Variants in USP15 observed in about 807,000 individuals in gnomAD.
USP15 encodes the protein ubiquitin specific peptidase 15, also known as ubiquitin carboxyl-terminal hydrolase 15.
In USP15, 18 loss-of-function variants were observed where a neutral mutation model predicts 127.1. The ratio of observed to expected loss-of-function variants is 0.14; its 90% CI spans 0.10 to 0.21. The LOEUF (loss-of-function observed/expected upper bound fraction) is 0.21, where lower values mean the gene tolerates loss of function less well. USP15 is among the 10% of genes least tolerant of loss of function. USP15 has a pLI of 1.00. For missense variants in USP15, 805 were observed against 1,159.9 expected (o/e 0.69, Z 4.44); for synonymous variants, 364 against 393.7 (o/e 0.92, Z 0.89).
intron 1 of USP15, among the ~76,000 whole-genome samples, chr12:62,274,604 C>G (rs1363981713): frequency 6.6e-6 from 1 of 151,990 alleles, no homozygotes; most frequent in East Asian, 1.9e-4. Context: ...ATGATCACAA[C>G]ACTGCATTCC....
chr12:62,336,891 G>A (rs1178209838), intron 6 of USP15, among the ~76,000 whole-genome samples: 1 of 152,162 alleles, frequency 6.6e-6, no homozygotes, highest in Admixed American at 6.5e-5. Flanking sequence ...TTGACTAGTG[G>A]TGGTTTAAGT....
At chr12:62,286,396 A>C (rs575008390) in intron 1 of USP15, among the ~76,000 whole-genome samples, 1 of 152,334 alleles carries the variant, frequency 6.6e-6, no homozygotes, top group East Asian at 1.9e-4. Context: ...GATTGCAGAG[A>C]AAAGGGAATG....
chr12:62,294,585 T>C, intron 2 of USP15: 1 of 210,796 alleles, frequency 4.7e-6, no homozygotes, highest in African/African-American at 2.3e-5. Flanking sequence ...GATTTCATTA[T>C]TAAGTAATCA....
At chr12:62,334,693 T>C (rs1251951181) in intron 6 of USP15, among the ~76,000 whole-genome samples, 2 of 152,230 alleles carry the variant, frequency 1.3e-5, no homozygotes, top group Non-Finnish European at 2.9e-5. Context: ...TTTTATGATG[T>C]TAGGTTGTAT....
intron 8 of USP15, among the ~76,000 whole-genome samples, chr12:62,355,977 C>T (rs2066116042): frequency 6.6e-6 from 1 of 151,316 alleles, no homozygotes; most frequent in Admixed American, 6.6e-5. Flanking sequence ...CCCCTGCCCC[C>T]ACCCCCTTTT....
intron 1 of USP15, among the ~76,000 whole-genome samples, chr12:62,272,603 A>G (rs1266155953): frequency 1.3e-5 from 2 of 151,962 alleles, no homozygotes; most frequent in African/African-American, 4.8e-5. Context: ...ATTTGCATCT[A>G]GTGTAAAAGC....
intron 3 of USP15, chr12:62,304,618 A>G: frequency 2.4e-6 from 1 of 417,708 alleles, no homozygotes; most frequent in Non-Finnish European, 4.8e-6. Context: ...TAATGCAGAA[A>G]CCAAGTTAAA....
chr12:62,334,106 T>G (rs1314538933), intron 6 of USP15: 1 of 152,174 alleles, frequency 6.6e-6, no homozygotes, highest in East Asian at 1.9e-4. Flanking sequence ...AATGGTAGAA[T>G]GTTAATTTTT....
At position 62,415,157 on chromosome 12, in the gene USP15, C is replaced by T. The variant is rs1012587208; in HGVS notation, c.*10782C>T. On this transcript the variant is annotated 3_prime_UTR_variant, in exon 22 of 22. Transcript: ENST00000280377. ...TCCAAAGGGTTGAGAACCAGGAAAA[C>T]CAATGATAAAAGTTCCAGTCCACAA... The T allele has an allele frequency of 3.9e-5, 6 of 152,110 alleles. No individual in the cohort carries two copies. The highest frequency in any genetic ancestry group is 1.4e-4 in the African/African-American group (6 of 41,412). 9.4% of individuals were successfully genotyped at this position (152,110 alleles called of 1,614,324 possible). A position where few individuals can be genotyped will look rare whatever the true frequency, so the allele number is the denominator to read the frequency against.
intron 8 of USP15, among the ~76,000 whole-genome samples, chr12:62,369,746 T>A (rs1565892774): frequency 1.3e-5 from 2 of 152,214 alleles, no homozygotes; most frequent in African/African-American, 4.8e-5. Flanking sequence ...AGACTTCTAA[T>A]AAGTATTTTT....
At chr12:62,287,968 A>G (rs2063832015) in intron 1 of USP15, among the ~76,000 whole-genome samples, 1 of 152,186 alleles carries the variant, frequency 6.6e-6, no homozygotes, top group Admixed American at 6.5e-5. Flanking sequence ...TTGTACCAGT[A>G]CCATGCTGCT....
intron 6 of USP15, among the ~76,000 whole-genome samples, chr12:62,330,933 G>GAAAAAAAAAAA (rs36008434): frequency 1.7e-5 from 2 of 120,318 alleles, no homozygotes; most frequent in Non-Finnish European, 3.5e-5. Flanking sequence ...CTCCAAAAAG[G>GAAAAAAAAAAA]AAAAAAAAAA....
At position 62,392,524 on chromosome 12, in the gene USP15, T is replaced by C; in HGVS notation, c.2420+137T>C. 4.8e-6 allele frequency: 3 copies of C among 627,920 alleles called. No individual in the cohort carries two copies. The South Asian group carries it at 7.6e-5, about 16-fold the overall frequency. 38.9% of individuals were successfully genotyped at this position (627,920 alleles called of 1,614,324 possible). A position where few individuals can be genotyped will look rare whatever the true frequency, so the allele number is the denominator to read the frequency against. The stretch of plus-strand genomic sequence containing the variant: ...AGTAAAGGATTCTTTATATAAGTTG[T>C]AGCCTATTAAGAGGGATGGGAATGT... On this transcript the variant is annotated intron_variant, in intron 18 of 21. Transcript: ENST00000280377.
intron 4 of USP15, among the ~76,000 whole-genome samples, chr12:62,320,777 A>G (rs2064963482): frequency 6.6e-6 from 1 of 152,080 alleles, no homozygotes; most frequent in Non-Finnish European, 1.5e-5. Flanking sequence ...AATTTTTTCA[A>G]AACTACAACT....
intron 9 of USP15, 87 bp downstream of exon 9, chr12:62,381,750 C>A (rs1344312299): frequency 3.7e-6 from 5 of 1,342,506 alleles, no homozygotes; most frequent in Admixed American, 2.2e-5. Flanking sequence ...AAAATAGTAG[C>A]TATTACAATG....
At chr12:62,268,029 G>A (rs1241330631) in intron 1 of USP15, among the ~76,000 whole-genome samples, 1 of 152,070 alleles carries the variant, frequency 6.6e-6, no homozygotes, top group Non-Finnish European at 1.5e-5. Flanking sequence ...GAGAGATGTA[G>A]CTAAGTATTT....
chr12:62,320,673 A>G (rs2064960075), intron 4 of USP15, among the ~76,000 whole-genome samples: 3 of 152,110 alleles, frequency 2.0e-5, no homozygotes, highest in Admixed American at 2.0e-4. Context: ...ATTAGCTGCT[A>G]AGTAGATAGT....
Position 62,304,127 on chromosome 12 carries a change from G to A in USP15, c.348+1207G>A, listed in dbSNP as rs546207399. Among the ~76,000 whole-genome samples, 47 of 151,730 alleles carry A rather than the reference G, an allele frequency of 3.1e-4. 1 individual carries two copies. The highest frequency in any genetic ancestry group is 3.4e-3 in the Middle Eastern group (1 of 294). On this transcript the variant is annotated intron_variant, in intron 3 of 21. Coordinates refer to ENST00000280377, the MANE Select transcript of USP15 (RefSeq NM_001252078.2). ...TAAATGTAGCACATTATACACTAGC[G>A]GTCTTCAGTATGATAAACAGATCAA...
chr12:62,336,972 A>T (rs982859455), intron 6 of USP15, among the ~76,000 whole-genome samples: 12 of 152,218 alleles, frequency 7.9e-5, no homozygotes, highest in African/African-American at 2.9e-4. Flanking sequence ...TTTCAAATGT[A>T]AATTTCATGC....
Sources: gnomAD v4.1 joint callset for allele counts (sites outside exome capture counted in the v4.1 genomes callset) on GRCh38, gnomAD v4.1.1 for gene constraint, MANE v1.5 for transcripts, NCBI Gene and HGNC (gene_info 2026-07-23, HGNC 2026-07-21) for gene names.